Variants in GRIP1 observed in about 807,000 individuals in gnomAD.
GRIP1 encodes the protein glutamate receptor interacting protein 1.
GRIP1 carries 45 observed loss-of-function variants against 129.9 expected under a neutral mutation model. The observed-to-expected ratio is 0.35, with a 90% CI of 0.27 to 0.44. The LOEUF is 0.44. Ranked by LOEUF, GRIP1 falls within the 20% of genes least tolerant of loss-of-function variation. The probability of loss-of-function intolerance (pLI) is 1.00; values close to 1 mark genes in which losing one functional copy is unlikely to be tolerated. For missense variants in GRIP1, 1,196 were observed against 1,396.8 expected (o/e 0.86, Z 2.29); for synonymous variants, 530 against 520.8 (o/e 1.02, Z -0.24).
At chr12:66,637,662 C>T (rs10748059) in intron 1 of GRIP1, among the ~76,000 whole-genome samples, 28,333 of 151,870 alleles carry the variant, frequency 0.19, 2,848 homozygotes, top group Non-Finnish European at 0.23. Context: ...CATTCAAAAT[C>T]TGAGCCCGCT....
chr12:67,064,487 G>C (rs1057197183), intron 1 of GRIP1, among the ~76,000 whole-genome samples: 10 of 152,150 alleles, frequency 6.6e-5, no homozygotes, highest in African/African-American at 2.4e-4. Context: ...TTACCTTACA[G>C]GCATGTTATA....
chr12:66,473,677 A>G (rs2059513486), intron 7 of GRIP1, among the ~76,000 whole-genome samples: 1 of 152,226 alleles, frequency 6.6e-6, no homozygotes, highest in Admixed American at 6.5e-5. Context: ...CACTGGTGAT[A>G]TCCAGGCAAA....
chr12:66,679,983 C>T (rs902468061), upstream of GRIP1, among the ~76,000 whole-genome samples: 1 of 152,048 alleles, frequency 6.6e-6, no homozygotes, highest in Non-Finnish European at 1.5e-5. Flanking sequence ...GCCTGCTCGC[C>T]ATATAGTCAA....
chr12:66,674,983 CG>C (rs2034258281), intron 1 of GRIP1, among the ~76,000 whole-genome samples: 1 of 152,068 alleles, frequency 6.6e-6, no homozygotes, highest in South Asian at 2.1e-4. Context: ...TGAAGGTCAA[CG>C]GGGCTGCTTA....
chr12:66,769,802 T>C (rs1341755933), intron 1 of GRIP1, among the ~76,000 whole-genome samples: 1 of 152,136 alleles, frequency 6.6e-6, no homozygotes, highest in East Asian at 1.9e-4. Context: ...CCTCTTGAAC[T>C]CACAAAAAAT....
intron 2 of GRIP1, among the ~76,000 whole-genome samples, chr12:66,571,831 T>C (rs1271951110): frequency 2.0e-5 from 3 of 152,222 alleles, no homozygotes; most frequent in African/African-American, 7.2e-5. Context: ...CTCAGTCATT[T>C]CCATTTACTT....
intron 7 of GRIP1, among the ~76,000 whole-genome samples, chr12:66,493,753 T>C (rs933737225): frequency 6.6e-6 from 1 of 152,248 alleles, no homozygotes; most frequent in South Asian, 2.1e-4. Flanking sequence ...TGTTTCATTT[T>C]CAAACTTTCA....
At chr12:66,689,387 A>C (rs1175787739) in intron 1 of GRIP1, among the ~76,000 whole-genome samples, 2 of 152,158 alleles carry the variant, frequency 1.3e-5, no homozygotes, top group African/African-American at 4.8e-5. Context: ...CTGGGAACCA[A>C]TCAAGTCAAT....
At chr12:66,431,200 A>G (rs2058137456) in intron 14 of GRIP1, among the ~76,000 whole-genome samples, 1 of 152,222 alleles carries the variant, frequency 6.6e-6, no homozygotes, top group South Asian at 2.1e-4. Context: ...TTGACACTAT[A>G]GTGACATACC....
intron 1 of GRIP1, among the ~76,000 whole-genome samples, chr12:66,996,961 TGAGTTCCCCACACAGCATC>T (rs751128614): frequency 1.3e-5 from 2 of 152,130 alleles, no homozygotes; most frequent in African/African-American, 2.4e-5. Context: ...AACTGGGGCA[TGAGTTCCCCACACAGCATC>T]GAGCTGAAGA....
intron 1 of GRIP1, among the ~76,000 whole-genome samples, chr12:66,745,201 T>TGGCCGGGCGCGG: frequency 6.6e-6 from 1 of 152,130 alleles, no homozygotes; most frequent in East Asian, 1.9e-4. Flanking sequence ...GGACTGCAGT[T>TGGCCGGGCGCGG]TTGCAGAATC....
intron 1 of GRIP1, among the ~76,000 whole-genome samples, chr12:66,765,203 T>C (rs570039841): frequency 1.3e-5 from 2 of 152,308 alleles, no homozygotes; most frequent in South Asian, 4.1e-4. Flanking sequence ...CTGGTGATGA[T>C]ATTTCCTAGA....
intron 14 of GRIP1, among the ~76,000 whole-genome samples, chr12:66,430,139 G>T (rs2058104545): frequency 1.3e-5 from 2 of 152,244 alleles, no homozygotes; most frequent in South Asian, 4.1e-4. Context: ...CACATTGTAT[G>T]TCAGGAACTG....
intron 1 of GRIP1, among the ~76,000 whole-genome samples, chr12:67,059,979 A>C (rs1315849530): frequency 6.6e-6 from 1 of 152,260 alleles, no homozygotes; most frequent in East Asian, 1.9e-4. Context: ...GAACAGATGC[A>C]GTCAAACTTA....
chr12:67,008,762 C>T (rs564778748), intron 1 of GRIP1, among the ~76,000 whole-genome samples: 2 of 152,226 alleles, frequency 1.3e-5, no homozygotes, highest in East Asian at 1.9e-4. Flanking sequence ...ACTATAGATG[C>T]TATTAATTTT....
chr12:66,683,014 C>T (rs1348764534), upstream of GRIP1, among the ~76,000 whole-genome samples: 4 of 152,188 alleles, frequency 2.6e-5, no homozygotes, highest in East Asian at 7.7e-4. Context: ...ATGGAACATC[C>T]TGACTTGGCT....
At chr12:66,657,816 AACAG>A (rs2136177625) in intron 1 of GRIP1, among the ~76,000 whole-genome samples, 1 of 152,360 alleles carries the variant, frequency 6.6e-6, no homozygotes, top group South Asian at 2.1e-4. Context: ...AGAGAAAAAC[AACAG>A]ACAAAGCACG....
chr12:66,990,426 T>C (rs2042376986), intron 1 of GRIP1, among the ~76,000 whole-genome samples: 1 of 152,172 alleles, frequency 6.6e-6, no homozygotes, highest in Non-Finnish European at 1.5e-5. Context: ...GAAAAATACA[T>C]AGGTAATTAA....
chr12:66,673,677 A>G (rs2034189713), intron 1 of GRIP1, among the ~76,000 whole-genome samples: 1 of 152,204 alleles, frequency 6.6e-6, no homozygotes, highest in African/African-American at 2.4e-5. Context: ...GCCACTGTTC[A>G]ATGTAAACTC....
Sources: allele counts gnomAD v4.1 joint callset (sites outside exome capture counted in the v4.1 genomes callset), GRCh38; gene constraint gnomAD v4.1.1; transcripts MANE v1.5; gene names NCBI Gene and HGNC (gene_info 2026-07-23, HGNC 2026-07-21).